GJA3: variants seen among roughly 807,000 people sequenced by gnomAD.
GJA3 encodes the protein gap junction alpha-3 protein.
For missense variants in GJA3, 571 were observed against 620.3 expected (o/e 0.92, Z 0.84); for synonymous variants, 297 against 292.6 (o/e 1.02, Z -0.15).
intron 1 of GJA3, among the ~76,000 whole-genome samples, chr13:20,156,441 G>A (rs1304424355): frequency 1.3e-5 from 2 of 152,136 alleles, no homozygotes; most frequent in Admixed American, 1.3e-4. Flanking sequence ...CAAGTAGCTG[G>A]GATTACAGGC....
rs1958809052 is a variant in GJA3, at chr13:20,141,887, T to C, written c.*94A>G. On this transcript the variant is annotated 3_prime_UTR_variant, in exon 2 of 2. Coordinates refer to ENST00000241125, the MANE Select transcript of GJA3 (RefSeq NM_021954.4). ...TCCAGTCGCTCCCACCTCCTGGGAC[T>C]TTCAGGTTCTATCTGCTGGTGGGAA... 1 of 1,516,236 alleles carries C rather than the reference T, an allele frequency of 6.6e-7. No individual in the cohort carries two copies. Among genetic ancestry groups the C allele is most frequent in the South Asian group, 1.3e-5 (1 of 79,976 alleles). 93.9% of individuals were successfully genotyped at this position (1,516,236 alleles called of 1,614,324 possible).
intron 1 of GJA3, among the ~76,000 whole-genome samples, chr13:20,144,065 G>A (rs1958828775): frequency 6.6e-6 from 1 of 152,220 alleles, no homozygotes; most frequent in African/African-American, 2.4e-5. Flanking sequence ...AGGAGTATTG[G>A]AGAGGTGTTA....
intron 1 of GJA3, among the ~76,000 whole-genome samples, chr13:20,144,396 C>A (rs1026963925): frequency 7.2e-5 from 11 of 152,180 alleles, no homozygotes; most frequent in Non-Finnish European, 1.3e-4. Context: ...ACAGCACGCC[C>A]AGACTCAGTC....
rs369580759 is a variant in GJA3 at position 20,154,825 on chromosome 13, G to GA, written c.-18+6064dup. ...GATTTTTTAGATGTTAATCACTAAA[G>GA]AGGGTAAGTCCTCTTTGTTATGATT... On this transcript the variant is annotated intron_variant, in intron 1 of 1. Transcript: ENST00000241125. Among the ~76,000 whole-genome samples the GA allele has an allele frequency of 9.4e-3, 1,438 of 152,212 alleles. 25 individuals are homozygous for GA. The highest frequency in any genetic ancestry group is 0.033 in the African/African-American group (1,364 of 41,536).
At position 20,142,325 on chromosome 13, in the gene GJA3, G is replaced by C. The variant is rs1456648222; in HGVS notation, c.964C>G (p.Leu322Val). Residue 322 changes from leucine to valine, a missense_variant, in exon 2 of 2, where the codon CTG becomes GTG. By Grantham distance (32) the Leu-to-Val change is conservative (BLOSUM62 1). Coordinates refer to ENST00000241125, the MANE Select transcript of GJA3 (RefSeq NM_021954.4). Reference protein sequence around the residue: ...AKLYNGHHHLLMTEQNWANQA... With the variant: ...AKLYNGHHHLVMTEQNWANQA... ...TTGGCCCAGTTCTGCTCAGTCATCA[G>C]CAGGTGGTGGTGGCCGTTGTAGAGC... 1.3e-6 allele frequency: 2 copies of C among 1,571,624 alleles called. No homozygotes were observed. The highest frequency in any genetic ancestry group is 2.7e-5 in the African/African-American group (2 of 73,466).
intron 1 of GJA3, among the ~76,000 whole-genome samples, chr13:20,145,682 G>A (rs370187152): frequency 6.6e-6 from 1 of 152,136 alleles, no homozygotes. Flanking sequence ...CCACCTTTAG[G>A]CCTCTGTACA....
chr13:20,145,674 A>C (rs1438852169), intron 1 of GJA3, among the ~76,000 whole-genome samples: 1 of 152,008 alleles, frequency 6.6e-6, no homozygotes, highest in African/African-American at 2.4e-5. Flanking sequence ...CTGAAACTCC[A>C]CCTTTAGGCC....
intron 1 of GJA3, among the ~76,000 whole-genome samples, chr13:20,154,983 T>C (rs923019097): frequency 1.3e-5 from 2 of 152,172 alleles, no homozygotes; most frequent in African/African-American, 4.8e-5. Flanking sequence ...CCCAACTAGC[T>C]GAGACTACAG....
chr13:20,144,459 G>C (rs1958831000), intron 1 of GJA3, among the ~76,000 whole-genome samples: 1 of 152,188 alleles, frequency 6.6e-6, no homozygotes, highest in South Asian at 2.1e-4. Context: ...TGGATCCTCT[G>C]GGTCAGAGTG....
chr13:20,142,947 C>G lies in GJA3; in HGVS notation c.342G>C (p.Gln114His). 6.3e-7 allele frequency: 1 copy of G among 1,576,744 alleles called. No individual in the cohort carries two copies. The highest frequency in any genetic ancestry group is 1.1e-5 in the South Asian group (1 of 87,088). ...EKKKEREEEEQLKRESPSPKE... is the reference protein window; with the variant it reads ...EKKKEREEEEHLKRESPSPKE... Reference sequence around the variant, plus strand: ...TGGGGCTGGGGCTCTCTCTCTTCAGCTGCTCCTCCTCCTCCCTCTCTTTCT... The same window carrying G: ...TGGGGCTGGGGCTCTCTCTCTTCAGGTGCTCCTCCTCCTCCCTCTCTTTCT... Residue 114 changes from glutamine to histidine, a missense_variant, in exon 2 of 2, where the codon CAG becomes CAC. Coordinates refer to ENST00000241125, the MANE Select transcript of GJA3 (RefSeq NM_021954.4).
chr13:20,151,199 C>A (rs1958875192), intron 1 of GJA3, among the ~76,000 whole-genome samples: 2 of 152,076 alleles, frequency 1.3e-5, no homozygotes, highest in Non-Finnish European at 1.5e-5. Flanking sequence ...AGAGTGCTGA[C>A]AAGACTCTTG....
At chr13:20,156,086 A>C (rs1189323000) in intron 1 of GJA3, among the ~76,000 whole-genome samples, 1 of 152,220 alleles carries the variant, frequency 6.6e-6, no homozygotes, top group Middle Eastern at 3.2e-3. Context: ...ATGTATGGAA[A>C]GCATGTACGA....
chr13:20,141,970 G>C lies in GJA3; in HGVS notation c.*11C>G. ...TCACTACACAGCTGTCTGGAGGCAG[G>C]CACCCGGGCACTAGATGGCCAAGTC... On this transcript the variant is annotated 3_prime_UTR_variant, in exon 2 of 2. Coordinates refer to ENST00000241125, the MANE Select transcript of GJA3 (RefSeq NM_021954.4). The C allele has an allele frequency of 1.3e-6, 2 of 1,550,082 alleles. No homozygotes were observed. The highest frequency in any genetic ancestry group is 1.7e-6 in the Non-Finnish European group (2 of 1,146,664).
Position 20,141,903 on chromosome 13 carries a change from C to G in GJA3, c.*78G>C. ...TCCTGGGACTTTCAGGTTCTATCTGCTGGTGGGAAGTGCACTTTGGTTTTG... is the reference window on the plus strand; with the variant it reads ...TCCTGGGACTTTCAGGTTCTATCTGGTGGTGGGAAGTGCACTTTGGTTTTG... On this transcript the variant is annotated 3_prime_UTR_variant, in exon 2 of 2. Transcript: ENST00000241125. 1 of 1,527,506 alleles carries G rather than the reference C, an allele frequency of 6.5e-7. No homozygotes were observed. The highest frequency in any genetic ancestry group is 2.0e-5 in the Admixed American group (1 of 50,186). 94.6% of individuals were successfully genotyped at this position (1,527,506 alleles called of 1,614,324 possible). A position where few individuals can be genotyped will look rare whatever the true frequency, so the allele number is the denominator to read the frequency against.
At position 20,142,883 on chromosome 13, in the gene GJA3, G is replaced by T; in HGVS notation, c.406C>A (p.Arg136Ser). ...PQDNPSSRDD[R>S]GRVRMAGALL... ...GCCCCGGCCATGCGCACCCTGCCGCGGTCGTCCCGCGACGAGGGATTGTCC... is the reference window on the plus strand; with the variant it reads ...GCCCCGGCCATGCGCACCCTGCCGCTGTCGTCCCGCGACGAGGGATTGTCC... The change falls in exon 2 of 2, where the codon CGC becomes AGC. Residue 136 changes from arginine (R) to serine (S), a missense_variant. By Grantham distance (110) the Arg-to-Ser change is moderately radical. Transcript: ENST00000241125. The T allele has an allele frequency of 1.9e-6, 3 of 1,603,532 alleles. No homozygotes were observed. The highest frequency in any genetic ancestry group is 2.6e-6 in the Non-Finnish European group (3 of 1,174,998).
At chr13:20,152,974 T>C (rs1450823052) in intron 1 of GJA3, among the ~76,000 whole-genome samples, 1 of 152,198 alleles carries the variant, frequency 6.6e-6, no homozygotes, top group African/African-American at 2.4e-5. Flanking sequence ...AAGTCACAAA[T>C]ATTATATGAT....
chr13:20,156,181 A>G (rs1431704103), intron 1 of GJA3, among the ~76,000 whole-genome samples: 1 of 152,164 alleles, frequency 6.6e-6, no homozygotes, highest in Non-Finnish European at 1.5e-5. Flanking sequence ...ATACCTGAAA[A>G]GTCATATGCT....
chr13:20,150,684 C>T (rs995528385), intron 1 of GJA3, among the ~76,000 whole-genome samples: 11 of 152,004 alleles, frequency 7.2e-5, no homozygotes, highest in Non-Finnish European at 1.2e-4. Flanking sequence ...ACCCTCGATG[C>T]GATCCCAGGC....
At chr13:20,146,786 T>C (rs762699768) in intron 1 of GJA3, among the ~76,000 whole-genome samples, 4 of 152,236 alleles carry the variant, frequency 2.6e-5, no homozygotes, top group Non-Finnish European at 4.4e-5. Flanking sequence ...ATCAGAGACT[T>C]GGGTAAATGT....
Sources: gnomAD v4.1 joint callset for allele counts (sites outside exome capture counted in the v4.1 genomes callset) on GRCh38, gnomAD v4.1.1 for gene constraint, MANE v1.5 for transcripts, NCBI Gene and HGNC (gene_info 2026-07-23, HGNC 2026-07-21) for gene names.